The following DCLK2 variants were observed in gnomAD, a reference collection of about 807,000 sequenced individuals.
DCLK2 encodes serine/threonine-protein kinase DCLK2.
Under a neutral mutation model 78.4 loss-of-function variants are expected in DCLK2, and 31 were observed. That is an observed-to-expected ratio of 0.40 (90% CI 0.30 to 0.53). DCLK2 has a LOEUF of 0.53. Among genes scored for constraint, DCLK2 ranks in the 20% least tolerant of loss-of-function variants. The probability of loss-of-function intolerance (pLI) is 0.61; values close to 1 mark genes in which losing one functional copy is unlikely to be tolerated. For synonymous variants in DCLK2, 407 were observed against 374.9 expected (o/e 1.09, Z -0.99); for missense variants, 872 against 973.7 (o/e 0.90, Z 1.39).
intron 2 of DCLK2, among the ~76,000 whole-genome samples, chr4:150,184,595 CTTCTTCTTT>C (rs912451915): frequency 9.0e-5 from 3 of 33,336 alleles, no homozygotes; most frequent in African/African-American, 2.0e-4. Flanking sequence ...TCTTCTTCTT[CTTCTTCTTT>C]TTTTTTTTTT....
intron 7 of DCLK2, among the ~76,000 whole-genome samples, chr4:150,224,227 A>G (rs975581558): frequency 1.1e-4 from 17 of 151,908 alleles, no homozygotes; most frequent in Admixed American, 9.2e-4. Context: ...TCTTTAATGC[A>G]CAGAGAAAGA....
Position 150,079,304 on chromosome 4 carries a change from A to G in DCLK2, c.277A>G (p.Ser93Gly). The G allele has an allele frequency of 2.5e-6, 4 of 1,596,322 alleles. No individual in the cohort carries two copies. The highest frequency in any genetic ancestry group is 3.4e-6 in the Non-Finnish European group (4 of 1,171,752). The change falls in exon 1 of 16, where the codon AGC (serine) becomes GGC (glycine). Residue 93 changes from serine to glycine, a missense_variant. By Grantham distance (56) the Ser-to-Gly change is moderately conservative. This residue lies in a region of DCLK2 where 567 missense variants were observed against 593.4 expected (regional missense o/e 0.96). Transcript: ENST00000296550. ...CAAGGGCCTGGTGTTTGCCATCTCC[A>G]GCGACCGCTTCCGGTCCTTCGATGC... The part of the protein sequence containing the change: ...YFKGLVFAIS[S>G]DRFRSFDALL...
intron 2 of DCLK2, among the ~76,000 whole-genome samples, chr4:150,168,320 C>A (rs1256870895): frequency 2.7e-5 from 4 of 150,880 alleles, no homozygotes; most frequent in Admixed American, 2.6e-4. Context: ...GCATTCCAGC[C>A]TGGGTGACAG....
At chr4:150,167,614 G>A (rs1736195837) in intron 2 of DCLK2, among the ~76,000 whole-genome samples, 1 of 152,194 alleles carries the variant, frequency 6.6e-6, no homozygotes, top group African/African-American at 2.4e-5. Flanking sequence ...AGTCAGGCAT[G>A]AGCAGGGCAA....
chr4:150,139,980 C>G (rs187028055), intron 2 of DCLK2, among the ~76,000 whole-genome samples: 23 of 152,232 alleles, frequency 1.5e-4, no homozygotes, highest in Non-Finnish European at 7.4e-5. Context: ...TCTAGAATGT[C>G]ACTGCTTAGT....
chr4:150,152,300 T>C (rs1204139618), intron 2 of DCLK2, among the ~76,000 whole-genome samples: 4 of 152,208 alleles, frequency 2.6e-5, no homozygotes, highest in Non-Finnish European at 5.9e-5. Context: ...TTTTATTTTT[T>C]TGAAATGGGA....
intron 2 of DCLK2, among the ~76,000 whole-genome samples, chr4:150,170,774 T>A (rs903154252): frequency 6.6e-6 from 1 of 151,852 alleles, no homozygotes; most frequent in African/African-American, 2.4e-5. Flanking sequence ...TGGTATTTAT[T>A]TGATCCTTCA....
At chr4:150,131,859 T>G (rs1430084349) in intron 2 of DCLK2, among the ~76,000 whole-genome samples, 2 of 152,138 alleles carry the variant, frequency 1.3e-5, no homozygotes, top group African/African-American at 4.8e-5. Context: ...GACTAACCCC[T>G]TTTGTAATAC....
At chr4:150,232,648 G>GCAT in intron 9 of DCLK2, 34 bp from the exon 10 acceptor site, 5 of 1,607,282 alleles carry the variant, frequency 3.1e-6, no homozygotes, top group Non-Finnish European at 4.3e-6. Context: ...TTGCACTGTT[G>GCAT]ATGCTTTGAT....
intron 14 of DCLK2, 56 bp downstream of exon 14, chr4:150,248,441 C>A: frequency 2.1e-6 from 3 of 1,407,208 alleles, no homozygotes; most frequent in Non-Finnish European, 3.0e-6. Context: ...GCCAACAGCA[C>A]GGTTCCTCAC....
intron 2 of DCLK2, among the ~76,000 whole-genome samples, chr4:150,161,294 A>G (rs968316358): frequency 2.6e-5 from 4 of 152,210 alleles, no homozygotes; most frequent in African/African-American, 9.6e-5. Context: ...TGCAGTTTCA[A>G]CTAACCTCTA....
chr4:150,241,348 C>G (rs1742914097), intron 12 of DCLK2, among the ~76,000 whole-genome samples: 1 of 152,168 alleles, frequency 6.6e-6, no homozygotes, highest in Admixed American at 6.5e-5. Flanking sequence ...GCCTGGCAAT[C>G]TTTGTGCAGG....
chr4:150,239,710 ATC>A, intron 10 of DCLK2, 30 bp from the exon 11 acceptor site: 1 of 1,607,516 alleles, frequency 6.2e-7, no homozygotes, highest in Admixed American at 1.7e-5. Flanking sequence ...GGAAAAAAAA[ATC>A]TTCTGATTGT....
intron 2 of DCLK2, among the ~76,000 whole-genome samples, chr4:150,120,753 A>G (rs576442363): frequency 4.6e-5 from 7 of 152,204 alleles, no homozygotes; most frequent in Non-Finnish European, 8.8e-5. Context: ...ATGTCAAACA[A>G]TGTACCTACG....
At position 150,080,231 on chromosome 4, in the gene DCLK2, A is replaced by G. The variant is rs372272423; in HGVS notation, c.421+783A>G. 2.8e-3 allele frequency among the ~76,000 whole-genome samples: 431 copies of G among 152,196 alleles called. 1 individual carries two copies. The highest frequency in any genetic ancestry group is 4.1e-3 in the Non-Finnish European group (277 of 68,018). On this transcript the variant is annotated intron_variant, in intron 1 of 15. Transcript: ENST00000296550. Reference sequence around the variant, plus strand: ...TCAATCTCTCCAGCCTTATCCTCTAATAAGAGTACCTAATTAGAATGATAG... The same window carrying G: ...TCAATCTCTCCAGCCTTATCCTCTAGTAAGAGTACCTAATTAGAATGATAG...
intron 5 of DCLK2, among the ~76,000 whole-genome samples, chr4:150,214,180 T>C (rs1740511004): frequency 6.6e-6 from 1 of 152,238 alleles, no homozygotes; most frequent in Admixed American, 6.5e-5. Context: ...CAGATTATGG[T>C]AGCTGAACAG....
intron 2 of DCLK2, among the ~76,000 whole-genome samples, chr4:150,188,081 G>A (rs747359893): frequency 2.7e-4 from 41 of 152,304 alleles, no homozygotes; most frequent in Middle Eastern, 3.4e-3. Flanking sequence ...TTGCACGCGT[G>A]AGCCACTGCT....
At chr4:150,129,210 A>G (rs973801601) in intron 2 of DCLK2, among the ~76,000 whole-genome samples, 2 of 152,154 alleles carry the variant, frequency 1.3e-5, no homozygotes, top group African/African-American at 4.8e-5. Flanking sequence ...AATGAATACA[A>G]ACATGCTTTT....
At chr4:150,132,673 C>T (rs767238725) in intron 2 of DCLK2, among the ~76,000 whole-genome samples, 16 of 152,188 alleles carry the variant, frequency 1.1e-4, no homozygotes, top group Admixed American at 3.9e-4. Flanking sequence ...CAGCCTTCAA[C>T]TCCTGGGCTC....
Sources: allele counts gnomAD v4.1 joint callset (sites outside exome capture counted in the v4.1 genomes callset), GRCh38; gene constraint gnomAD v4.1.1; regional missense constraint gnomAD v4.1.1; transcripts MANE v1.5; gene names NCBI Gene and HGNC (gene_info 2026-07-23, HGNC 2026-07-21).